The following PTK6 variants were observed in gnomAD, a reference collection of about 807,000 sequenced individuals.
The protein encoded by PTK6 is protein-tyrosine kinase 6.
Under a neutral mutation model 47.5 loss-of-function variants are expected in PTK6, and 47 were observed. The ratio of observed to expected loss-of-function variants is 0.99; its 90% CI spans 0.78 to 1.26. The LOEUF is 1.26. Ranked by LOEUF, PTK6 falls within the 50% of genes most tolerant of loss-of-function variation. PTK6 has a pLI of 0.00. For synonymous variants in PTK6, 287 were observed against 276.5 expected, an observed-to-expected ratio of 1.04 and a Z score of -0.38; for missense variants, 618 against 625.3, an observed-to-expected ratio of 0.99 and a Z score of 0.12.
chr20:63,533,444 T>C lies in PTK6; in HGVS notation c.670+107A>G. 1 of 1,335,182 alleles carries C rather than the reference T, an allele frequency of 7.5e-7. No homozygotes were observed. Among genetic ancestry groups the C allele is most frequent in the Non-Finnish European group, 1.0e-6 (1 of 987,348 alleles). 82.7% of individuals were successfully genotyped at this position (1,335,182 alleles called of 1,614,324 possible). A position where few individuals can be genotyped will look rare whatever the true frequency, so the allele number is the denominator to read the frequency against. ...AAGGGAACCACTCTCGCATGGACGC[T>C]GTGGGTGCTGCTTGGGGCTCGAGGC... is the stretch of plus-strand genomic sequence containing the variant. On this transcript the variant is annotated intron_variant, in intron 4 of 7. Coordinates refer to ENST00000542869, the MANE Select transcript of PTK6 (RefSeq NM_005975.4). The surrounding 1 kb of genome is among the most constrained non-coding windows in gnomAD (Gnocchi z 4.0).
intron 5 of PTK6, among the ~76,000 whole-genome samples, chr20:63,532,321 GTA>G (rs959896265): frequency 5.3e-5 from 8 of 150,578 alleles, no homozygotes; most frequent in Admixed American, 6.6e-5. Context: ...GTGTGCATGT[GTA>G]TGTCTGTGTG....
Position 63,534,184 on chromosome 20 carries a change from G to A in PTK6, c.484C>T (p.His162Tyr). ...CAGGGCGCGGCCAGCCGCAGGCCGT[G>A]GGACAGGCTCTGGGCCCTGTGGTAG... ...VNYHRAQSLS[H>Y]GLRLAAPCRK... The change falls in exon 3 of 8, where the codon CAC (histidine) becomes TAC (tyrosine). Residue 162 changes from histidine to tyrosine, a missense_variant. By Grantham distance (83) the His-to-Tyr change is moderately conservative (BLOSUM62 2). Coordinates refer to ENST00000542869, the MANE Select transcript of PTK6 (RefSeq NM_005975.4). 1 of 1,567,900 alleles carries A rather than the reference G, an allele frequency of 6.4e-7. No individual in the cohort carries two copies. The highest frequency in any genetic ancestry group is 1.4e-5 in the African/African-American group (1 of 73,914).
chr20:63,537,295 G>A lies in PTK6; in HGVS notation c.20C>T (p.Ala7Val). Residue 7 changes from alanine (A) to valine (V), a missense_variant, in exon 1 of 8, where the codon GCT becomes GTT. Ala to Val is a moderately conservative substitution (Grantham distance 64). Coordinates refer to ENST00000542869, the MANE Select transcript of PTK6 (RefSeq NM_005975.4). ...GCCCACATACTTGGGGCCCAGGTGA[G>A]CCTGGTCCCGGGACACCATGGCGGG... The part of the protein sequence containing the change: MVSRDQ[A>V]HLGPKYVGLW... 6.2e-7 allele frequency: 1 copy of A among 1,611,324 alleles called. No individual in the cohort carries two copies. The highest frequency in any genetic ancestry group is 1.3e-5 in the African/African-American group (1 of 75,046).
At chr20:63,536,625 C>T (rs991214581) in intron 1 of PTK6, among the ~76,000 whole-genome samples, 5 of 152,118 alleles carry the variant, frequency 3.3e-5, no homozygotes, top group African/African-American at 9.7e-5. Flanking sequence ...GCCCGGCAGC[C>T]GGCCCGCTCC....
rs569047350 is a variant in PTK6, at chr20:63,532,447, A to C, written c.832+79T>G. 3 of 1,448,604 alleles carry C rather than the reference A, an allele frequency of 2.1e-6. No individual in the cohort carries two copies. The East Asian group carries it at 7.0e-5, about 34-fold the overall frequency. The allele number at this position is 1,448,604 out of a possible 1,614,324, so 89.7% of individuals were successfully genotyped here. A position where few individuals can be genotyped will look rare whatever the true frequency, so the allele number is the denominator to read the frequency against. On this transcript the variant is annotated intron_variant, in intron 5 of 7. Transcript: ENST00000542869. ...TGTGTCTACGTGTGTGTGTGTGTAG[A>C]CGTGGGGGGGGGGTGTGCACTTTAT...
intron 1 of PTK6, among the ~76,000 whole-genome samples, chr20:63,536,331 A>G (rs2082667228): frequency 6.8e-6 from 1 of 146,758 alleles, no homozygotes; most frequent in South Asian, 2.2e-4. Context: ...GACCCTGCTA[A>G]CGAGGTCGTG....
At position 63,533,404 on chromosome 20, in the gene PTK6, C is replaced by T; in HGVS notation, c.670+147G>A. On this transcript the variant is annotated intron_variant, in intron 4 of 7. Coordinates refer to ENST00000542869, the MANE Select transcript of PTK6 (RefSeq NM_005975.4). This position sits in a 1 kb window ranked among gnomAD's most constrained non-coding sequence, Gnocchi z 4.0. Reference sequence around the variant, plus strand: ...TATAATAAATGTATTTAGGTAAAAACATAGGTGCAATTGAAAGGGAACCAC... The same window carrying T: ...TATAATAAATGTATTTAGGTAAAAATATAGGTGCAATTGAAAGGGAACCAC... The T allele has an allele frequency of 1.1e-6, 1 of 922,358 alleles. No homozygotes were observed. Among genetic ancestry groups the T allele is most frequent in the Non-Finnish European group, 1.5e-6 (1 of 663,372 alleles). 57.1% of individuals were successfully genotyped at this position (922,358 alleles called of 1,614,324 possible). A position where few individuals can be genotyped will look rare whatever the true frequency, so the allele number is the denominator to read the frequency against.
In PTK6 at chr20:63,533,848, G is replaced by T. The variant is rs543195910; in HGVS notation, c.517-144C>A. ...GGGGTTTCTGAGTGTCTGACACAAG[G>T]GTGGACTCTCCTGGGGGCTGCCCCC... On this transcript the variant is annotated intron_variant, in intron 3 of 7. Transcript: ENST00000542869. This position sits in a 1 kb window ranked among gnomAD's most constrained non-coding sequence, Gnocchi z 4.0. The T allele has an allele frequency of 4.9e-6, 6 of 1,230,670 alleles. No individual in the cohort carries two copies. The highest frequency in any genetic ancestry group is 6.6e-6 in the Non-Finnish European group (6 of 906,868). 76.2% of individuals were successfully genotyped at this position (1,230,670 alleles called of 1,614,324 possible). A position where few individuals can be genotyped will look rare whatever the true frequency, so the allele number is the denominator to read the frequency against.
chr20:63,534,099 C>G lies in PTK6; in HGVS notation c.516+53G>C, dbSNP rs1481149724. On this transcript the variant is annotated intron_variant, in intron 3 of 7. Transcript: ENST00000542869. ...AACCTCTCCCAGTAGGAAATGCCAGCCTGTGACCCCCCAGCCTGACCCCGC... is the reference window on the plus strand; with the variant it reads ...AACCTCTCCCAGTAGGAAATGCCAGGCTGTGACCCCCCAGCCTGACCCCGC... 16 of 1,482,108 alleles carry G rather than the reference C, an allele frequency of 1.1e-5. No individual in the cohort carries two copies. The East Asian group carries it at 3.5e-4, about 32-fold the overall frequency. The allele number at this position is 1,482,108 out of a possible 1,614,324, so 91.8% of individuals were successfully genotyped here.
intron 5 of PTK6, 88 bp downstream of exon 5, chr20:63,532,438 T>C: frequency 7.0e-7 from 1 of 1,424,790 alleles, no homozygotes; most frequent in Non-Finnish European, 9.4e-7. Context: ...TACGTGTGTG[T>C]GTGTGTAGAC....
At position 63,534,324 on chromosome 20, in the gene PTK6, G is replaced by A. The variant is rs201695601; in HGVS notation, c.353-9C>T. On this transcript the variant is annotated splice_polypyrimidine_tract_variant and intron_variant, in intron 2 of 7. Transcript: ENST00000542869. Reference sequence around the variant, plus strand: ...AGCCTGCGTGTCCCGCACTGGGAGGGAGAGCGTGAGCTGTGTGGCCACCCC... The same window carrying A: ...AGCCTGCGTGTCCCGCACTGGGAGGAAGAGCGTGAGCTGTGTGGCCACCCC... 9.4e-6 allele frequency: 15 copies of A among 1,592,178 alleles called. No individual in the cohort carries two copies. In the East Asian group the frequency reaches 3.4e-4, roughly 36 times the overall value.
chr20:63,534,745 C>T (rs536944311), intron 2 of PTK6, 193 bp downstream of exon 2: 19 of 888,486 alleles, frequency 2.1e-5, no homozygotes, highest in African/African-American at 1.2e-4. Context: ...CCCTGCCCCA[C>T]GACTACCCTA....
Position 63,537,297 on chromosome 20 carries a change from C to T in PTK6, c.18G>A (p.Gln6=), listed in dbSNP as rs766069880. The T allele has an allele frequency of 1.9e-6, 3 of 1,611,206 alleles. No homozygotes were observed. In the African/African-American group the frequency reaches 4.0e-5, roughly 22 times the overall value. ...CCACATACTTGGGGCCCAGGTGAGCCTGGTCCCGGGACACCATGGCGGGCG... is the reference window on the plus strand; with the variant it reads ...CCACATACTTGGGGCCCAGGTGAGCTTGGTCCCGGGACACCATGGCGGGCG... MVSRD[Q]AHLGPKYVGL... is the part of the protein sequence containing the mutation. The change falls in exon 1 of 8, where the codon CAG becomes CAA. Residue 6 remains glutamine (Q), a synonymous_variant. Transcript: ENST00000542869.
intron 5 of PTK6, 134 bp downstream of exon 5, chr20:63,532,391 CT>C (rs2082631324): frequency 1.8e-6 from 2 of 1,109,724 alleles, no homozygotes; most frequent in African/African-American, 2.7e-5. Flanking sequence ...GTGTCTGTGT[CT>C]GTGTGTGCAT....
chr20:63,528,331 A>C lies in PTK6; in HGVS notation c.*1205T>G, dbSNP rs2082590967. On this transcript the variant is annotated 3_prime_UTR_variant, in exon 8 of 8. Coordinates refer to ENST00000542869, the MANE Select transcript of PTK6 (RefSeq NM_005975.4). ...GATTAGTCTGACATCTGTCTTTCAC[A>C]AGGCAGAAGACAAATCCTTTTGAGA... The C allele has an allele frequency of 6.6e-6, 1 of 152,118 alleles. No individual in the cohort carries two copies. The highest frequency in any genetic ancestry group is 1.5e-5 in the Non-Finnish European group (1 of 68,020). 9.4% of individuals were successfully genotyped at this position (152,118 alleles called of 1,614,324 possible). A position where few individuals can be genotyped will look rare whatever the true frequency, so the allele number is the denominator to read the frequency against.
chr20:63,532,723 T>C (rs764533727), intron 4 of PTK6, 36 bp from the exon 5 acceptor site: 2 of 1,603,268 alleles, frequency 1.2e-6, no homozygotes, highest in Non-Finnish European at 1.7e-6. Context: ...ATGCAGCCCC[T>C]GACCCCCCAG....
intron 5 of PTK6, among the ~76,000 whole-genome samples, chr20:63,532,244 G>C (rs1255590461): frequency 6.9e-6 from 1 of 145,764 alleles, no homozygotes; most frequent in African/African-American, 2.8e-5. Context: ...GTGTGTCTCT[G>C]TGTGTGTGTC....
intron 1 of PTK6, 110 bp from the exon 2 acceptor site, chr20:63,535,169 A>C: frequency 1.5e-4 from 203 of 1,397,580 alleles, no homozygotes; most frequent in Non-Finnish European, 1.7e-4. Flanking sequence ...CTGCCACCTC[A>C]AGCTCCCAGC....
At chr20:63,534,692 G>C (rs1002086160) in intron 2 of PTK6, among the ~76,000 whole-genome samples, 5 of 152,128 alleles carry the variant, frequency 3.3e-5, no homozygotes, top group Non-Finnish European at 7.4e-5. Context: ...CGAGTGCCTC[G>C]GGCAGGGCTG....
Sources: allele counts gnomAD v4.1 joint callset (sites outside exome capture counted in the v4.1 genomes callset), GRCh38; gene constraint gnomAD v4.1.1; non-coding constraint Gnocchi (gnomAD v3.1); transcripts MANE v1.5; gene names NCBI Gene and HGNC (gene_info 2026-07-23, HGNC 2026-07-21).